The following HERC1 variants were observed in gnomAD, a reference collection of about 807,000 sequenced individuals.
The protein encoded by HERC1 is HECT and RLD domain containing E3 ubiquitin protein ligase family member 1.
Under a neutral mutation model 554.3 loss-of-function variants are expected in HERC1, and 160 were observed. The observed-to-expected ratio is 0.29, with a 90% CI of 0.25 to 0.33. HERC1 has a LOEUF of 0.33. Among genes scored for constraint, HERC1 ranks in the 10% least tolerant of loss-of-function variants. The probability of loss-of-function intolerance (pLI) is 1.00; values close to 1 mark genes in which losing one functional copy is unlikely to be tolerated. For synonymous variants in HERC1, 2,175 were observed against 2,131.7 expected (o/e 1.02, Z -0.56); for missense variants, 4,919 against 5,918.5 (o/e 0.83, Z 5.54).
chr15:63,663,029 A>G lies in HERC1; in HGVS notation c.8856T>C (p.Asp2952=), dbSNP rs2152935711. Residue 2952 remains aspartate, a synonymous_variant, in exon 44 of 78, where the codon GAT becomes GAC. Coordinates refer to ENST00000443617, the MANE Select transcript of HERC1 (RefSeq NM_003922.4). ...CCTCTGGGATCCACATTCCCAGAATATCATTGTCACTGGTCAGGTCTTGTC... is the reference window on the plus strand; with the variant it reads ...CCTCTGGGATCCACATTCCCAGAATGTCATTGTCACTGGTCAGGTCTTGTC... The part of the protein sequence containing the change: ...MFGQDLTSDN[D]ILGMWIPEVL... 1 of 1,613,996 alleles carries G rather than the reference A, an allele frequency of 6.2e-7. No homozygotes were observed. Among genetic ancestry groups the G allele is most frequent in the South Asian group, 1.1e-5 (1 of 91,080 alleles).
intron 41 of HERC1, 55 bp from the exon 42 acceptor site, chr15:63,666,205 A>G: frequency 6.8e-7 from 1 of 1,478,512 alleles, no homozygotes; most frequent in South Asian, 1.2e-5. Flanking sequence ...TTAGGTCTTT[A>G]TGTTATAAGA....
Position 63,634,749 on chromosome 15 carries a change from C to A in HERC1, c.12554G>T (p.Gly4185Val). ...ATTCCATGCCTGTCCAATCTGATAT[C>A]CCTCCAGTGCAGTCACTCTCTCTGG... The part of the protein sequence containing the change: ...KLPERVTALE[G>V]YQIGQVACGL... Residue 4185 changes from glycine (G) to valine (V), a missense_variant, in exon 66 of 78, where the codon GGA becomes GTA. Physicochemically the swap from Gly to Val is moderately radical, Grantham distance 109. Transcript: ENST00000443617. 1 of 1,612,466 alleles carries A rather than the reference C, an allele frequency of 6.2e-7. No individual in the cohort carries two copies. Among genetic ancestry groups the A allele is most frequent in the Non-Finnish European group, 8.5e-7 (1 of 1,179,102 alleles).
intron 48 of HERC1, 134 bp from the exon 49 acceptor site, chr15:63,656,492 G>T: frequency 1.3e-6 from 1 of 782,068 alleles, no homozygotes; most frequent in Non-Finnish European, 2.0e-6. Flanking sequence ...AGCCATACAT[G>T]TCCTAAGAGT....
chr15:63,813,955 A>C (rs929069533), intron 1 of HERC1, among the ~76,000 whole-genome samples: 12 of 152,264 alleles, frequency 7.9e-5, no homozygotes, highest in African/African-American at 2.6e-4. Context: ...GCTACTTGGG[A>C]GGCTGAGGCA....
intron 14 of HERC1, among the ~76,000 whole-genome samples, chr15:63,731,256 C>T (rs1240489198): frequency 6.6e-6 from 1 of 152,006 alleles, no homozygotes; most frequent in African/African-American, 2.4e-5. Flanking sequence ...TTTATGTGTA[C>T]AATATACAAG....
chr15:63,804,926 A>C (rs1409051661), intron 1 of HERC1, among the ~76,000 whole-genome samples: 1 of 152,236 alleles, frequency 6.6e-6, no homozygotes, highest in Non-Finnish European at 1.5e-5. Flanking sequence ...ATTTAAAGAC[A>C]CAGATAATAC....
At chr15:63,755,587 T>G (rs1159125574) in intron 5 of HERC1, among the ~76,000 whole-genome samples, 7 of 152,148 alleles carry the variant, frequency 4.6e-5, no homozygotes, top group Admixed American at 2.0e-4. Flanking sequence ...GAGTTCAGCC[T>G]GGGCAACATG....
At chr15:63,697,318 T>C (rs538266580) in intron 26 of HERC1, among the ~76,000 whole-genome samples, 2 of 152,264 alleles carry the variant, frequency 1.3e-5, no homozygotes, top group East Asian at 3.9e-4. Flanking sequence ...TTTGTAGATG[T>C]CCCTAAATTT....
At chr15:63,671,750 T>C (rs953111285) in intron 39 of HERC1, among the ~76,000 whole-genome samples, 28 of 152,200 alleles carry the variant, frequency 1.8e-4, no homozygotes, top group African/African-American at 6.8e-4. Flanking sequence ...CCTGTTCCAC[T>C]GTTTAAGATG....
chr15:63,633,020 G>A (rs1479546873), intron 67 of HERC1, among the ~76,000 whole-genome samples: 2 of 152,236 alleles, frequency 1.3e-5, no homozygotes, highest in East Asian at 3.8e-4. Flanking sequence ...AGGGGCAGAG[G>A]CAGTTTGACT....
At chr15:63,819,226 T>C (rs945798870) in intron 1 of HERC1, among the ~76,000 whole-genome samples, 1 of 152,114 alleles carries the variant, frequency 6.6e-6, no homozygotes, top group Non-Finnish European at 1.5e-5. Context: ...GGTTGCATCA[T>C]TAAAAAAAGA....
intron 1 of HERC1, among the ~76,000 whole-genome samples, chr15:63,823,946 C>T (rs1343195005): frequency 1.3e-5 from 2 of 152,106 alleles, no homozygotes; most frequent in Non-Finnish European, 2.9e-5. Flanking sequence ...TCACACAACG[C>T]AATAGCAAAA....
Position 63,716,287 on chromosome 15 carries a change from G to T in HERC1, c.4150+15C>A. ...GCCACAGTTTGTATCTAGAAAGTAA[G>T]AAGGGTATACTCACTGCCAGCTGTC... On this transcript the variant is annotated intron_variant, in intron 22 of 77. Coordinates refer to ENST00000443617, the MANE Select transcript of HERC1 (RefSeq NM_003922.4). The T allele has an allele frequency of 6.3e-7, 1 of 1,586,392 alleles. No individual in the cohort carries two copies. The highest frequency in any genetic ancestry group is 1.2e-5 in the South Asian group (1 of 86,548).
chr15:63,713,771 G>T, intron 22 of HERC1, 106 bp from the exon 23 acceptor site: 1 of 958,320 alleles, frequency 1.0e-6, no homozygotes, highest in Non-Finnish European at 1.5e-6. Context: ...CTTACTGAAA[G>T]AGGGAAAAAT....
Position 63,616,427 on chromosome 15 carries a change from T to C in HERC1, c.13941+3A>G, listed in dbSNP as rs1429019607. 3 of 1,612,086 alleles carry C rather than the reference T, an allele frequency of 1.9e-6. No individual in the cohort carries two copies. The highest frequency in any genetic ancestry group is 2.5e-6 in the Non-Finnish European group (3 of 1,178,610). ...GTAGAAACATAGACTGGCCAGGATTTACCTCATGGAAACTCTCCTCGGTAA... is the reference window on the plus strand; with the variant it reads ...GTAGAAACATAGACTGGCCAGGATTCACCTCATGGAAACTCTCCTCGGTAA... On this transcript the variant is annotated splice_donor_region_variant and intron_variant, in intron 75 of 77. Coordinates refer to ENST00000443617, the MANE Select transcript of HERC1 (RefSeq NM_003922.4).
At position 63,729,287 on chromosome 15, in the gene HERC1, T is replaced by C. The variant is rs1435470334; in HGVS notation, c.3103A>G (p.Asn1035Asp). The change falls in exon 16 of 78, where the codon AAT (asparagine) becomes GAT (aspartate). Residue 1035 changes from asparagine to aspartate, a missense_variant. Coordinates refer to ENST00000443617, the MANE Select transcript of HERC1 (RefSeq NM_003922.4). Reference sequence around the variant, plus strand: ...TTCCAAGGACTTTCTTTGAGCAAATTTGCAGAACGTGAATAAATATCTGTG... The same window carrying C: ...TTCCAAGGACTTTCTTTGAGCAAATCTGCAGAACGTGAATAAATATCTGTG... ...HATDIYSRSA[N>D]LLKESPWNGS... 6.2e-7 allele frequency: 1 copy of C among 1,611,292 alleles called. No individual in the cohort carries two copies. Among genetic ancestry groups the C allele is most frequent in the Non-Finnish European group, 8.5e-7 (1 of 1,179,040 alleles).
chr15:63,704,118 TAC>T (rs139977611), intron 25 of HERC1, among the ~76,000 whole-genome samples: 2,919 of 152,008 alleles, frequency 0.019, 33 homozygotes, highest in Non-Finnish European at 0.028. Context: ...GGAAAAAAAA[TAC>T]AGTCATTTAT....
At position 63,680,203 on chromosome 15, in the gene HERC1, A is replaced by AT; in HGVS notation, c.6466-44dup. The AT allele has an allele frequency of 2.0e-6, 3 of 1,466,786 alleles. No individual in the cohort carries two copies. The highest frequency in any genetic ancestry group is 2.8e-6 in the Non-Finnish European group (3 of 1,055,740). The allele number at this position is 1,466,786 out of a possible 1,614,324, so 90.9% of individuals were successfully genotyped here. A position where few individuals can be genotyped will look rare whatever the true frequency, so the allele number is the denominator to read the frequency against. On this transcript the variant is annotated intron_variant, in intron 35 of 77. Coordinates refer to ENST00000443617, the MANE Select transcript of HERC1 (RefSeq NM_003922.4). This position sits in a 1 kb window ranked among gnomAD's most constrained non-coding sequence, Gnocchi z 5.8. ...TGAGGAAAAGAAAAAGGAAATAGAA[A>AT]TTTTTTTAATTCACAATATCTAACC...
intron 1 of HERC1, among the ~76,000 whole-genome samples, chr15:63,833,431 G>T (rs1219622924): frequency 6.6e-6 from 1 of 152,154 alleles, no homozygotes; most frequent in Non-Finnish European, 1.5e-5. Flanking sequence ...AGCCCCAGCC[G>T]GGGCAGAGGA....
Sources: allele counts gnomAD v4.1 joint callset (sites outside exome capture counted in the v4.1 genomes callset), GRCh38; gene constraint gnomAD v4.1.1; non-coding constraint Gnocchi (gnomAD v3.1); transcripts MANE v1.5; gene names NCBI Gene and HGNC (gene_info 2026-07-23, HGNC 2026-07-21).